EYA2: variants seen among roughly 807,000 people sequenced by gnomAD.
EYA2 encodes EYA transcriptional coactivator and phosphatase 2.
In EYA2, 31 loss-of-function variants were observed where a neutral mutation model predicts 69.2. The observed-to-expected ratio is 0.45, with a 90% confidence interval of 0.34 to 0.60. The LOEUF (loss-of-function observed/expected upper bound fraction) is 0.60, where lower values mean the gene tolerates loss of function less well. Ranked by LOEUF, EYA2 falls within the 20% of genes least tolerant of loss-of-function variation. The probability of loss-of-function intolerance (pLI) is 0.02; values close to 1 mark genes in which losing one functional copy is unlikely to be tolerated. For synonymous variants in EYA2, 257 were observed against 279.4 expected (o/e 0.92, Z 0.80); for missense variants, 622 against 701.2 (o/e 0.89, Z 1.28).
intron 5 of EYA2, among the ~76,000 whole-genome samples, chr20:47,050,877 AC>A (rs1373035060): frequency 6.6e-6 from 1 of 152,228 alleles, no homozygotes; most frequent in Non-Finnish European, 1.5e-5. Flanking sequence ...ATACCTGAGA[AC>A]CTTGCAGCGT....
chr20:47,128,636 G>A (rs1013172611), intron 9 of EYA2, among the ~76,000 whole-genome samples: 4 of 151,878 alleles, frequency 2.6e-5, no homozygotes, highest in Non-Finnish European at 5.9e-5. Context: ...GAGTAAAATG[G>A]TTAAGATTTT....
intron 7 of EYA2, among the ~76,000 whole-genome samples, chr20:47,082,963 G>A (rs1360735302): frequency 1.3e-5 from 2 of 152,058 alleles, no homozygotes; most frequent in Non-Finnish European, 2.9e-5. Flanking sequence ...GGAGGCCGAA[G>A]AGGGAGGATC....
Position 46,898,495 on chromosome 20 carries a change from T to A in EYA2, c.-11+3508T>A, listed in dbSNP as rs117731814. On this transcript the variant is annotated intron_variant, in intron 1 of 15. Coordinates refer to ENST00000327619, the MANE Select transcript of EYA2 (RefSeq NM_005244.5). ...CCCAATGTCATAACAGCTTCCTGAA[T>A]GGCCCACTTCTCCCCACTATCATTT... Among the ~76,000 whole-genome samples the A allele has an allele frequency of 2.2e-4, 33 of 152,198 alleles. No individual in the cohort carries two copies. In the East Asian group the frequency reaches 5.6e-3, roughly 26 times the overall value.
chr20:46,963,028 C>T (rs979359342), intron 1 of EYA2, among the ~76,000 whole-genome samples: 1 of 152,186 alleles, frequency 6.6e-6, no homozygotes, highest in African/African-American at 2.4e-5. Flanking sequence ...CCCCTCCACC[C>T]CGTGGGATGA....
At chr20:47,163,508 G>A (rs2034114465) in intron 10 of EYA2, among the ~76,000 whole-genome samples, 1 of 151,936 alleles carries the variant, frequency 6.6e-6, no homozygotes, top group Non-Finnish European at 1.5e-5. Context: ...AGACCGGCCT[G>A]ACCAAGATGG....
At chr20:46,930,608 G>A (rs1985626699) in intron 1 of EYA2, among the ~76,000 whole-genome samples, 1 of 152,158 alleles carries the variant, frequency 6.6e-6, no homozygotes, top group Non-Finnish European at 1.5e-5. Context: ...TGACAAAAAA[G>A]GGGGTCCTGG....
chr20:47,104,451 G>A (rs1331286236), intron 9 of EYA2, among the ~76,000 whole-genome samples: 13 of 152,044 alleles, frequency 8.6e-5, no homozygotes, highest in Non-Finnish European at 1.6e-4. Flanking sequence ...TGCAATTTAT[G>A]TATATTTTCT....
chr20:47,092,307 C>T (rs1352637209), intron 8 of EYA2, among the ~76,000 whole-genome samples: 1 of 152,146 alleles, frequency 6.6e-6, no homozygotes, highest in Non-Finnish European at 1.5e-5. Flanking sequence ...GTTCCTGGGG[C>T]CATTCTTAGT....
chr20:46,912,748 C>T (rs946118846), intron 1 of EYA2, among the ~76,000 whole-genome samples: 1 of 148,518 alleles, frequency 6.7e-6, no homozygotes, highest in Non-Finnish European at 1.5e-5. Context: ...GGCCGGACTG[C>T]GGACTGCAGT....
At chr20:47,070,851 T>C (rs2031288693) in intron 5 of EYA2, among the ~76,000 whole-genome samples, 1 of 152,204 alleles carries the variant, frequency 6.6e-6, no homozygotes, top group Non-Finnish European at 1.5e-5. Context: ...TTTTTTATTT[T>C]ATTTACTGTT....
chr20:47,161,217 C>T (rs1600756577), intron 10 of EYA2: 2 of 482,962 alleles, frequency 4.1e-6, no homozygotes, highest in East Asian at 1.0e-4. Context: ...ATCTTGCTCC[C>T]CCAGTAGCCT....
In EYA2 at chr20:47,062,540, C is replaced by A. The variant is rs888293895; in HGVS notation, c.416-9645C>A. Among the ~76,000 whole-genome samples the A allele has an allele frequency of 2.6e-5, 4 of 152,178 alleles. No individual in the cohort carries two copies. In the East Asian group the frequency reaches 7.7e-4, roughly 29 times the overall value. On this transcript the variant is annotated intron_variant, in intron 5 of 15. Transcript: ENST00000327619. The stretch of plus-strand genomic sequence containing the variant: ...TGTTCGCTTCCCAAGGTACATGTAG[C>A]GGCTCTCCTGGCAGCTGTAATAAGG...
chr20:47,038,340 A>G (rs1256100189), intron 5 of EYA2, among the ~76,000 whole-genome samples: 1 of 152,036 alleles, frequency 6.6e-6, no homozygotes, highest in East Asian at 1.9e-4. Context: ...TCTCTACAAA[A>G]ATTAGCCAGG....
chr20:47,127,647 C>T (rs1359278482), intron 9 of EYA2, among the ~76,000 whole-genome samples: 1 of 152,222 alleles, frequency 6.6e-6, no homozygotes, highest in Non-Finnish European at 1.5e-5. Flanking sequence ...GGGATGTGTT[C>T]AGAGATCTCT....
At chr20:46,913,325 T>C (rs1384141837) in intron 1 of EYA2, among the ~76,000 whole-genome samples, 2 of 152,218 alleles carry the variant, frequency 1.3e-5, no homozygotes, top group Middle Eastern at 3.4e-3. Flanking sequence ...CAGGAGTTCA[T>C]TGTGGCTGGA....
intron 2 of EYA2, among the ~76,000 whole-genome samples, chr20:46,993,158 C>A (rs915396646): frequency 2.0e-5 from 3 of 152,216 alleles, no homozygotes; most frequent in African/African-American, 2.4e-5. Flanking sequence ...TTTGCCCCAT[C>A]TGTTTAATGG....
intron 8 of EYA2, chr20:47,095,682 G>T (rs2146516323): frequency 6.6e-6 from 1 of 152,210 alleles, no homozygotes; most frequent in East Asian, 1.9e-4. Flanking sequence ...AATGATGAAA[G>T]AATTCTTTCA....
intron 1 of EYA2, among the ~76,000 whole-genome samples, chr20:46,907,363 C>T (rs759971273): frequency 9.2e-5 from 14 of 152,220 alleles, no homozygotes; most frequent in Non-Finnish European, 1.9e-4. Context: ...GCTAAGTCCT[C>T]AACAGGCAGC....
chr20:46,990,809 CGTT>C (rs2146329298), intron 2 of EYA2, among the ~76,000 whole-genome samples: 1 of 152,268 alleles, frequency 6.6e-6, no homozygotes, highest in South Asian at 2.1e-4. Context: ...GAGACCCCCT[CGTT>C]GTTTTTCCTT....
Sources: allele counts gnomAD v4.1 joint callset (sites outside exome capture counted in the v4.1 genomes callset), GRCh38; gene constraint gnomAD v4.1.1; transcripts MANE v1.5; gene names NCBI Gene and HGNC (gene_info 2026-07-23, HGNC 2026-07-21).